The following DEUP1 variants were observed in gnomAD, a reference collection of about 807,000 sequenced individuals.
DEUP1 encodes deuterosome assembly protein 1, also known as coiled-coil domain containing 67.
Under a neutral mutation model 87.4 loss-of-function variants are expected in DEUP1, and 82 were observed. That is an observed-to-expected ratio of 0.94 (90% CI 0.78 to 1.13). The LOEUF is 1.13. DEUP1 is among the 50% of genes most tolerant of loss of function. The probability of loss-of-function intolerance (pLI) is 0.00; values close to 1 mark genes in which losing one functional copy is unlikely to be tolerated. For synonymous variants in DEUP1, 214 were observed against 222.7 expected (o/e 0.96, Z 0.35); for missense variants, 663 against 681.5 (o/e 0.97, Z 0.30).
intron 7 of DEUP1, among the ~76,000 whole-genome samples, chr11:93,380,239 C>T (rs1385803879): frequency 6.6e-6 from 1 of 152,146 alleles, no homozygotes; most frequent in Non-Finnish European, 1.5e-5. Flanking sequence ...AGTCATTTTT[C>T]TCATATTCTT....
In DEUP1 at chr11:93,334,164, C is replaced by T. The variant is rs117321131; in HGVS notation, c.29+1876C>T. ...GTCCACACACTGCCTACCACGGTCTCCAAAGCATGGAGACCCCAGGTTGGC... is the reference window on the plus strand; with the variant it reads ...GTCCACACACTGCCTACCACGGTCTTCAAAGCATGGAGACCCCAGGTTGGC... On this transcript the variant is annotated intron_variant, in intron 2 of 13. Coordinates refer to ENST00000298050, the MANE Select transcript of DEUP1 (RefSeq NM_181645.4). 7.4e-4 allele frequency among the ~76,000 whole-genome samples: 113 copies of T among 152,256 alleles called. 4 individuals carry two copies. The East Asian group carries it at 0.022, about 29-fold the overall frequency.
Position 93,356,978 on chromosome 11 carries a change from C to T in DEUP1, c.232C>T (p.Leu78=), listed in dbSNP as rs562480990. ...GTTACTTCGACAGAAATTGGACAGT[C>T]TGGAAAAATGTAATTTAGCAATGAC... is the stretch of plus-strand genomic sequence containing the variant. ...VGLLRQKLDS[L]EKCNLAMTQN... is the part of the protein sequence containing the mutation. Residue 78 remains leucine (L), a synonymous_variant, in exon 4 of 14, where the codon CTG becomes TTG. Coordinates refer to ENST00000298050, the MANE Select transcript of DEUP1 (RefSeq NM_181645.4). 2 of 1,603,554 alleles carry T rather than the reference C, an allele frequency of 1.2e-6. No homozygotes were observed. Among genetic ancestry groups the T allele is most frequent in the East Asian group, 4.5e-5 (2 of 44,572 alleles).
intron 10 of DEUP1, 60 bp from the exon 11 acceptor site, chr11:93,396,179 T>C (rs1301610814): frequency 3.8e-6 from 4 of 1,058,948 alleles, no homozygotes; most frequent in Non-Finnish European, 5.6e-6. Context: ...GACAAAATTT[T>C]AATAGAATTA....
intron 7 of DEUP1, among the ~76,000 whole-genome samples, chr11:93,380,667 T>A (rs919790399): frequency 6.6e-5 from 10 of 152,180 alleles, no homozygotes; most frequent in African/African-American, 1.2e-4. Flanking sequence ...CCTCCCAAAG[T>A]GCTGGGATTA....
chr11:93,390,310 G>A (rs575973296), intron 9 of DEUP1, among the ~76,000 whole-genome samples: 121 of 152,250 alleles, frequency 7.9e-4, no homozygotes, highest in Non-Finnish European at 1.5e-3. Flanking sequence ...AACATTTGTT[G>A]AGTATCTAGG....
At chr11:93,399,214 A>G (rs892324835) in intron 11 of DEUP1, among the ~76,000 whole-genome samples, 2 of 150,834 alleles carry the variant, frequency 1.3e-5, no homozygotes, top group African/African-American at 4.9e-5. Context: ...ATATAGCTTC[A>G]GTTTTTTTTC....
At chr11:93,415,292 AT>A in intron 13 of DEUP1, 178 bp downstream of exon 13, 1 of 361,978 alleles carries the variant, frequency 2.8e-6, no homozygotes, top group East Asian at 4.4e-5. Context: ...AGGAAAAGAT[AT>A]CCATAATATT....
intron 11 of DEUP1, among the ~76,000 whole-genome samples, chr11:93,401,675 A>G (rs1383484556): frequency 6.6e-6 from 1 of 151,992 alleles, no homozygotes. Flanking sequence ...GATAACCACA[A>G]TGAGATACCA....
intron 4 of DEUP1, among the ~76,000 whole-genome samples, chr11:93,362,017 A>C (rs2134236446): frequency 6.6e-6 from 1 of 152,198 alleles, no homozygotes; most frequent in African/African-American, 2.4e-5. Context: ...ATCCACATGC[A>C]AAGGAACTAA....
At chr11:93,409,462 T>C (rs2605578) in intron 12 of DEUP1, among the ~76,000 whole-genome samples, 70,062 of 152,088 alleles carry the variant, frequency 0.46, 16,706 homozygotes, top group Admixed American at 0.61. Context: ...AGCAAGTTTA[T>C]TTTATACAAT....
intron 13 of DEUP1, among the ~76,000 whole-genome samples, chr11:93,430,065 T>C (rs985247275): frequency 1.3e-5 from 2 of 152,182 alleles, no homozygotes; most frequent in African/African-American, 4.8e-5. Context: ...TATTCATCTT[T>C]CTTTCTTAAT....
At chr11:93,355,603 T>G in intron 3 of DEUP1, 61 bp downstream of exon 3, 1 of 1,400,170 alleles carries the variant, frequency 7.1e-7, no homozygotes, top group Non-Finnish European at 9.6e-7. Context: ...TAGTATTCTA[T>G]CAGAATATGT....
intron 7 of DEUP1, among the ~76,000 whole-genome samples, chr11:93,373,650 T>TATATATAC (rs1239179001): frequency 1.9e-4 from 26 of 140,452 alleles, no homozygotes; most frequent in African/African-American, 6.2e-4. Flanking sequence ...TATATATATA[T>TATATATAC]ACGTATATAT....
chr11:93,402,043 G>T (rs1947135531), intron 11 of DEUP1, among the ~76,000 whole-genome samples: 1 of 151,692 alleles, frequency 6.6e-6, no homozygotes, highest in Admixed American at 6.6e-5. Flanking sequence ...GCACAGCAAA[G>T]AAAAGAATCA....
Position 93,394,550 on chromosome 11 carries a change from A to G in DEUP1, c.1133A>G (p.His378Arg). ...NEISDLTEELHQKEITIATVT... is the reference protein window; with the variant it reads ...NEISDLTEELRQKEITIATVT... ...ATCTCTGACCTAACAGAAGAGCTTCATCAGAAGGAGATCACTATAGCAACT... is the reference window on the plus strand; with the variant it reads ...ATCTCTGACCTAACAGAAGAGCTTCGTCAGAAGGAGATCACTATAGCAACT... The change falls in exon 10 of 14, where the codon CAT becomes CGT. Residue 378 changes from histidine to arginine, a missense_variant. By Grantham distance (29) the His-to-Arg change is conservative. Coordinates refer to ENST00000298050, the MANE Select transcript of DEUP1 (RefSeq NM_181645.4). 1 of 1,612,894 alleles carries G rather than the reference A, an allele frequency of 6.2e-7. No homozygotes were observed. Among genetic ancestry groups the G allele is most frequent in the South Asian group, 1.1e-5 (1 of 90,728 alleles).
intron 2 of DEUP1, among the ~76,000 whole-genome samples, chr11:93,350,827 A>T (rs1234065397): frequency 6.6e-6 from 1 of 151,794 alleles, no homozygotes; most frequent in Non-Finnish European, 1.5e-5. Flanking sequence ...GTGGTAGCAC[A>T]TGCCTGTAGT....
chr11:93,348,726 G>A (rs1311364673), intron 2 of DEUP1, among the ~76,000 whole-genome samples: 4 of 152,162 alleles, frequency 2.6e-5, no homozygotes, highest in African/African-American at 7.2e-5. Context: ...CCCATTGTTA[G>A]TGGGTAAGCT....
chr11:93,414,358 A>G lies in DEUP1; in HGVS notation c.1524-642A>G, dbSNP rs145269673. Among the ~76,000 whole-genome samples, 1,064 of 152,182 alleles carry G rather than the reference A, an allele frequency of 7.0e-3. 17 individuals are homozygous for G. The highest frequency in any genetic ancestry group is 0.025 in the African/African-American group (1,031 of 41,520). On this transcript the variant is annotated intron_variant, in intron 12 of 13. Coordinates refer to ENST00000298050, the MANE Select transcript of DEUP1 (RefSeq NM_181645.4). ...GAAGCCCCATCTCTACTAAAAATAC[A>G]GAAAATTACCCTGGCGTGGTGGCGG...
intron 2 of DEUP1, among the ~76,000 whole-genome samples, chr11:93,350,893 T>C (rs942530851): frequency 2.6e-5 from 4 of 151,376 alleles, no homozygotes; most frequent in Non-Finnish European, 5.9e-5. Context: ...GAGGCGGAGG[T>C]GGTAGTGAGC....
Sources: allele counts gnomAD v4.1 joint callset (sites outside exome capture counted in the v4.1 genomes callset), GRCh38; gene constraint gnomAD v4.1.1; transcripts MANE v1.5; gene names NCBI Gene and HGNC (gene_info 2026-07-23, HGNC 2026-07-21).